Variants in CNIH3 observed in about 807,000 individuals in gnomAD.
CNIH3 encodes cornichon family AMPA receptor auxiliary protein 3.
A neutral mutation model predicts 24.1 loss-of-function variants in CNIH3; 14 were observed. The observed-to-expected ratio is 0.58, with a 90% CI of 0.38 to 0.91. The LOEUF is 0.91. Ranked by LOEUF, CNIH3 falls within the 40% of genes least tolerant of loss-of-function variation. The pLI is 0.00. For missense variants in CNIH3, 178 were observed against 196.8 expected (o/e 0.90, Z 0.57); for synonymous variants, 68 against 73.8 (o/e 0.92, Z 0.40).
intron 1 of CNIH3, among the ~76,000 whole-genome samples, chr1:224,446,882 C>T (rs562235241): frequency 1.3e-5 from 2 of 152,108 alleles, no homozygotes; most frequent in African/African-American, 4.8e-5. Flanking sequence ...CAGCTGAGCC[C>T]GTAACAAAAC....
intron 1 of CNIH3, among the ~76,000 whole-genome samples, chr1:224,516,312 CAAAAAAA>C (rs71574505): frequency 0.42 from 27,955 of 65,912 alleles, 3,270 homozygotes; most frequent in Non-Finnish European, 0.45. Context: ...GACTCTGTCT[CAAAAAAA>C]AAAAAAAAAA....
chr1:224,538,631 C>G (rs1271902744), downstream of CNIH3, among the ~76,000 whole-genome samples: 3 of 151,520 alleles, frequency 2.0e-5, no homozygotes, highest in African/African-American at 7.3e-5. Context: ...ATGATTCTCC[C>G]TGCCTCCTCC....
chr1:224,629,275 GGGATT>G (rs1410104726), intron 1 of CNIH3, among the ~76,000 whole-genome samples: 2,530 of 152,146 alleles, frequency 0.017, 73 homozygotes, highest in African/African-American at 0.057. Flanking sequence ...CCAAAGTGCT[GGGATT>G]ACAGGCGTGT....
rs576826974 is a variant in CNIH3 at position 224,486,530 on chromosome 1, GT to G, written n.204-29204del. Among the ~76,000 whole-genome samples the G allele has an allele frequency of 3.0e-3, 453 of 152,144 alleles. 4 individuals are homozygous for G. Among genetic ancestry groups the G allele is most frequent in the African/African-American group, 0.01 (435 of 41,504 alleles). On this transcript the variant is annotated intron_variant and non_coding_transcript_variant, in intron 1 of 5. Transcript: ENST00000471578. The stretch of plus-strand genomic sequence containing the variant: ...TATATTCCTTGAATGTAATCACTAA[GT>G]TTTTTTCCTGTATACACACATACAC...
At chr1:224,546,005 T>C (rs528531971) in intron 2 of CNIH3, among the ~76,000 whole-genome samples, 6 of 152,222 alleles carry the variant, frequency 3.9e-5, no homozygotes, top group South Asian at 2.1e-4. Flanking sequence ...TGTCCTAAGC[T>C]CCTCTTCTTA....
chr1:224,486,036 AC>A, intron 1 of CNIH3, among the ~76,000 whole-genome samples: 1 of 152,108 alleles, frequency 6.6e-6, no homozygotes, highest in Non-Finnish European at 1.5e-5. Flanking sequence ...GAGGATGCAT[AC>A]GATATGAAAA....
chr1:224,645,374 A>T (rs1684553322), intron 1 of CNIH3, among the ~76,000 whole-genome samples: 1 of 152,250 alleles, frequency 6.6e-6, no homozygotes, highest in Admixed American at 6.5e-5. Context: ...TCCCCAGAGA[A>T]GCGCGAGAGA....
At chr1:224,561,224 G>C (rs1474335875) in intron 3 of CNIH3, among the ~76,000 whole-genome samples, 5 of 151,942 alleles carry the variant, frequency 3.3e-5, no homozygotes, top group Non-Finnish European at 1.5e-5. Flanking sequence ...CTTAATTTTG[G>C]TAAATAAAAA....
chr1:224,697,092 G>A (rs984621862), intron 3 of CNIH3, among the ~76,000 whole-genome samples: 3 of 152,186 alleles, frequency 2.0e-5, no homozygotes, highest in Admixed American at 1.3e-4. Flanking sequence ...TTCATAATGC[G>A]TGAGCAGGAA....
chr1:224,551,858 T>C (rs1679935461), intron 3 of CNIH3, among the ~76,000 whole-genome samples: 1 of 150,540 alleles, frequency 6.6e-6, no homozygotes, highest in Non-Finnish European at 1.5e-5. Context: ...TCCCTCTGTG[T>C]ACACCCACAG....
At chr1:224,660,138 C>T (rs1232904985) in intron 1 of CNIH3, among the ~76,000 whole-genome samples, 4 of 152,208 alleles carry the variant, frequency 2.6e-5, no homozygotes, top group Non-Finnish European at 5.9e-5. Context: ...CTGATAAAGA[C>T]ATAGCTGAGA....
chr1:224,585,248 C>T (rs1681450181), intron 5 of CNIH3, among the ~76,000 whole-genome samples: 1 of 152,168 alleles, frequency 6.6e-6, no homozygotes, highest in Non-Finnish European at 1.5e-5. Context: ...TTTTTCCAGG[C>T]CTGTCTTAAC....
At chr1:224,597,597 G>C (rs1682039161) in intron 3 of CNIH3, among the ~76,000 whole-genome samples, 1 of 152,184 alleles carries the variant, frequency 6.6e-6, no homozygotes, top group Non-Finnish European at 1.5e-5. Flanking sequence ...AGACAGCTCA[G>C]CTTCCAAACA....
intron 1 of CNIH3, among the ~76,000 whole-genome samples, chr1:224,460,773 G>GT (rs11322243): frequency 1.5e-3 from 216 of 144,448 alleles, no homozygotes; most frequent in East Asian, 6.7e-3. Context: ...GGTTTTTTGG[G>GT]TTTTTTTTTT....
intron 1 of CNIH3, among the ~76,000 whole-genome samples, chr1:224,490,524 G>T (rs1025298619): frequency 3.3e-5 from 5 of 152,152 alleles, no homozygotes; most frequent in Non-Finnish European, 7.4e-5. Flanking sequence ...CTCGCATGCA[G>T]ATTTGACCTC....
intron 1 of CNIH3, among the ~76,000 whole-genome samples, chr1:224,636,231 C>T (rs557291608): frequency 6.6e-6 from 1 of 152,004 alleles, no homozygotes; most frequent in Admixed American, 6.5e-5. Context: ...GTTCGGTTTA[C>T]CATTTGCATA....
exon 1 of CNIH3, chr1:224,434,750 C>T (rs1237208144): frequency 8.1e-6 from 8 of 987,038 alleles, no homozygotes; most frequent in South Asian, 4.5e-5. Context: ...CGGATCCGCT[C>T]CGCTCTGCTC....
At chr1:224,558,929 A>C (rs1056277427) in intron 3 of CNIH3, among the ~76,000 whole-genome samples, 10 of 152,372 alleles carry the variant, frequency 6.6e-5, no homozygotes, top group African/African-American at 2.4e-4. Flanking sequence ...TAATTAATAA[A>C]TGTTAACATC....
intron 1 of CNIH3, among the ~76,000 whole-genome samples, chr1:224,506,821 T>C (rs2124884349): frequency 6.6e-6 from 1 of 152,178 alleles, no homozygotes; most frequent in East Asian, 1.9e-4. Context: ...AAGCTCAGTA[T>C]CTACACGTTG....
Sources: gnomAD v4.1 joint callset for allele counts (sites outside exome capture counted in the v4.1 genomes callset) on GRCh38, gnomAD v4.1.1 for gene constraint, MANE v1.5 for transcripts, NCBI Gene and HGNC (gene_info 2026-07-23, HGNC 2026-07-21) for gene names.